Variants in NPAS1 observed in about 807,000 individuals in gnomAD.
NPAS1 encodes the protein neuronal PAS domain-containing protein 1.
In NPAS1, 29 loss-of-function variants were observed where a neutral mutation model predicts 49.2. That is an observed-to-expected ratio of 0.59 (90% CI 0.44 to 0.80). The LOEUF is 0.80. NPAS1 is among the 30% of genes least tolerant of loss of function. The pLI is 0.00. For missense variants in NPAS1, 825 were observed against 835.5 expected, an observed-to-expected ratio of 0.99 and a Z score of 0.15; for synonymous variants, 408 against 380.4, an observed-to-expected ratio of 1.07 and a Z score of -0.84.
intron 3 of NPAS1, among the ~76,000 whole-genome samples, chr19:47,027,302 T>C (rs2056877076): frequency 6.7e-6 from 1 of 148,378 alleles, no homozygotes; most frequent in Non-Finnish European, 1.5e-5. Context: ...GGAAGAGGCC[T>C]TGGCTTCTGC....
chr19:47,030,172 C>T (rs1367060110), intron 3 of NPAS1, among the ~76,000 whole-genome samples: 5 of 152,048 alleles, frequency 3.3e-5, no homozygotes, highest in Admixed American at 6.6e-5. Context: ...TATAGGTGCA[C>T]GCCACCACGC....
At chr19:47,027,407 G>A (rs1237143927) in intron 3 of NPAS1, among the ~76,000 whole-genome samples, 3 of 65,746 alleles carry the variant, frequency 4.6e-5, no homozygotes, top group Non-Finnish European at 8.6e-5. Flanking sequence ...CCCTCTCTCT[G>A]CCCCCTGGGT....
chr19:47,022,927 A>G (rs546240963), intron 3 of NPAS1, among the ~76,000 whole-genome samples: 1 of 152,286 alleles, frequency 6.6e-6, no homozygotes, highest in African/African-American at 2.4e-5. Context: ...TGATGAGGAT[A>G]AGGCAGTGTG....
chr19:47,036,188 T>C, intron 6 of NPAS1, 59 bp downstream of exon 6: 1 of 1,501,086 alleles, frequency 6.7e-7, no homozygotes, highest in Non-Finnish European at 9.0e-7. Context: ...ACGCCCGCTG[T>C]ACTGTATCCA....
At chr19:47,031,287 T>G (rs1043576239) in intron 3 of NPAS1, among the ~76,000 whole-genome samples, 1 of 149,878 alleles carries the variant, frequency 6.7e-6, no homozygotes, top group African/African-American at 2.5e-5. Context: ...CAACCTCCGC[T>G]TCCCAGGTTC....
At chr19:47,022,935 G>A (rs2122429547) in intron 3 of NPAS1, among the ~76,000 whole-genome samples, 1 of 152,328 alleles carries the variant, frequency 6.6e-6, no homozygotes, top group East Asian at 1.9e-4. Flanking sequence ...ATAAGGCAGT[G>A]TGAGTGGTGT....
At chr19:47,038,825 CAAAA>C (rs879466330) in intron 6 of NPAS1, among the ~76,000 whole-genome samples, 2 of 144,994 alleles carry the variant, frequency 1.4e-5, no homozygotes, top group African/African-American at 2.5e-5. Flanking sequence ...TATTCAGTCT[CAAAA>C]AAAAAAAGAA....
intron 5 of NPAS1, among the ~76,000 whole-genome samples, chr19:47,033,975 TAAAAAAAAA>T (rs532811476): frequency 2.0e-5 from 2 of 100,852 alleles, no homozygotes; most frequent in Non-Finnish European, 1.9e-5. Context: ...GGCTATGCCT[TAAAAAAAAA>T]AAAAAAAAAA....
Position 47,039,107 on chromosome 19 carries a change from A to G in NPAS1, c.760A>G (p.Thr254Ala), listed in dbSNP as rs2056991355. ...CTCCTTCTTTGTCCGCATGAAATCC[A>G]CGCTCACCAAGAGGGGGCTGCACGT... is the stretch of plus-strand genomic sequence containing the variant. Reference protein sequence around the residue: ...ERSFFVRMKSTLTKRGLHVKA... With the variant: ...ERSFFVRMKSALTKRGLHVKA... Residue 254 changes from threonine (T) to alanine (A), a missense_variant, in exon 7 of 12, where the codon ACG becomes GCG. Coordinates refer to ENST00000602212, the MANE Select transcript of NPAS1 (RefSeq NM_002517.4). 6.2e-7 allele frequency: 1 copy of G among 1,613,706 alleles called. No individual in the cohort carries two copies. The highest frequency in any genetic ancestry group is 8.5e-7 in the Non-Finnish European group (1 of 1,179,834).
intron 6 of NPAS1, among the ~76,000 whole-genome samples, chr19:47,037,311 A>C (rs1407565976): frequency 8.0e-6 from 1 of 124,344 alleles, no homozygotes. Context: ...AGATCAGGCC[A>C]TTGCACTCTG....
intron 10 of NPAS1, among the ~76,000 whole-genome samples, chr19:47,041,945 T>A (rs11083856): frequency 0.89 from 130,269 of 147,014 alleles, 57,605 homozygotes; most frequent in East Asian, 0.97. Context: ...GTGCCACTGC[T>A]CTCCAGCCTG....
intron 3 of NPAS1, among the ~76,000 whole-genome samples, chr19:47,022,214 G>C (rs1195138405): frequency 6.6e-6 from 1 of 152,178 alleles, no homozygotes; most frequent in Non-Finnish European, 1.5e-5. Context: ...ACGCCCATTC[G>C]CTAATGGGCG....
At position 47,039,108 on chromosome 19, in the gene NPAS1, C is replaced by G; in HGVS notation, c.761C>G (p.Thr254Arg). The G allele has an allele frequency of 6.2e-7, 1 of 1,613,738 alleles. No homozygotes were observed. Among genetic ancestry groups the G allele is most frequent in the Non-Finnish European group, 8.5e-7 (1 of 1,179,822 alleles). ...ERSFFVRMKSTLTKRGLHVKA... is the reference protein window; with the variant it reads ...ERSFFVRMKSRLTKRGLHVKA... ...TCCTTCTTTGTCCGCATGAAATCCACGCTCACCAAGAGGGGGCTGCACGTC... is the reference window on the plus strand; with the variant it reads ...TCCTTCTTTGTCCGCATGAAATCCAGGCTCACCAAGAGGGGGCTGCACGTC... The change falls in exon 7 of 12, where the codon ACG becomes AGG. Residue 254 changes from threonine (T) to arginine (R), a missense_variant. Physicochemically the swap from Thr to Arg is moderately conservative, Grantham distance 71. Transcript: ENST00000602212.
At chr19:47,032,160 C>T (rs1044118719) in intron 3 of NPAS1, 118 bp from the exon 4 acceptor site, 1 of 895,838 alleles carries the variant, frequency 1.1e-6, no homozygotes, top group Non-Finnish European at 1.7e-6. Context: ...TGCCCAGATA[C>T]CCCAAGATGT....
chr19:47,023,446 G>A (rs2056853983), intron 3 of NPAS1, among the ~76,000 whole-genome samples: 1 of 152,174 alleles, frequency 6.6e-6, no homozygotes, highest in Non-Finnish European at 1.5e-5. Flanking sequence ...GGTCAGGACA[G>A]TGTGGGGGGG....
chr19:47,039,527 C>T lies in NPAS1; in HGVS notation c.925C>T (p.Leu309Phe), dbSNP rs2056996552. Residue 309 changes from leucine (L) to phenylalanine (F), a missense_variant, in exon 8 of 12, where the codon CTC (leucine) becomes TTC (phenylalanine). Physicochemically the swap from Leu to Phe is conservative, Grantham distance 22 (BLOSUM62 0). Coordinates refer to ENST00000602212, the MANE Select transcript of NPAS1 (RefSeq NM_002517.4). ...PLHGHMIVFR[L>F]SLGLTILACE... ...CCATGGACACATGATCGTCTTCCGT[C>T]TCAGCCTGGGTCTCACCATCCTTGC... 1 of 1,604,164 alleles carries T rather than the reference C, an allele frequency of 6.2e-7. No individual in the cohort carries two copies. The highest frequency in any genetic ancestry group is 8.5e-7 in the Non-Finnish European group (1 of 1,174,076).
Position 47,041,122 on chromosome 19 carries a change from T to G in NPAS1, c.1214T>G (p.Leu405Arg). 6.3e-7 allele frequency: 1 copy of G among 1,583,790 alleles called. No individual in the cohort carries two copies. The highest frequency in any genetic ancestry group is 8.5e-7 in the Non-Finnish European group (1 of 1,170,834). The change falls in exon 10 of 12, where the codon CTC becomes CGC. Residue 405 changes from leucine to arginine, a missense_variant. By Grantham distance (102) the Leu-to-Arg change is moderately radical (BLOSUM62 -2). Transcript: ENST00000602212. ...EHHVLWVSHV[L>R]SQAEGGQTPL... ...CATGTGCTTTGGGTCAGCCACGTGCTCAGGTGAGGGCTGTGCCCACCCCTC... is the reference window on the plus strand; with the variant it reads ...CATGTGCTTTGGGTCAGCCACGTGCGCAGGTGAGGGCTGTGCCCACCCCTC...
intron 3 of NPAS1, among the ~76,000 whole-genome samples, chr19:47,031,655 C>T (rs1009671056): frequency 4.0e-5 from 6 of 151,708 alleles, no homozygotes; most frequent in African/African-American, 9.7e-5. Context: ...CTCAACCTCC[C>T]GAGTAGCCAG....
chr19:47,027,943 G>A (rs563156043), intron 3 of NPAS1, among the ~76,000 whole-genome samples: 1 of 152,240 alleles, frequency 6.6e-6, no homozygotes, highest in East Asian at 1.9e-4. Flanking sequence ...AGGAAACAGC[G>A]GGAGGCATCG....
Sources: gnomAD v4.1 joint callset for allele counts (sites outside exome capture counted in the v4.1 genomes callset) on GRCh38, gnomAD v4.1.1 for gene constraint, MANE v1.5 for transcripts, NCBI Gene and HGNC (gene_info 2026-07-23, HGNC 2026-07-21) for gene names.